The following BCL2 variants were observed in gnomAD, a reference collection of about 807,000 sequenced individuals.
The protein encoded by BCL2 is BCL2 apoptosis regulator, also known as apoptosis regulator Bcl-2.
A neutral mutation model predicts 14.2 loss-of-function variants in BCL2; 1 was observed. The ratio of observed to expected loss-of-function variants is 0.07; its 90% CI spans 0.02 to 0.33. BCL2 has a LOEUF of 0.33. BCL2 is among the 10% of genes least tolerant of loss of function. The probability of loss-of-function intolerance (pLI) is 0.99; values close to 1 mark genes in which losing one functional copy is unlikely to be tolerated. For synonymous variants in BCL2, 151 were observed against 137.2 expected (o/e 1.10, Z -0.70); for missense variants, 247 against 305.9 (o/e 0.81, Z 1.44).
At chr18:63,205,782 C>T (rs770775557) in intron 2 of BCL2, among the ~76,000 whole-genome samples, 1 of 152,150 alleles carries the variant, frequency 6.6e-6, no homozygotes, top group South Asian at 2.1e-4. Context: ...GCTCCCACCC[C>T]CTGCTTGCAA....
At position 63,207,233 on chromosome 18, in the gene BCL2, C is replaced by T. The variant is rs529620373; in HGVS notation, c.586-78474G>A. ...GAGGGAGCCCAGGATGCCGGCAGAG[C>T]GAGCCTTGGTCTGTGAACCCCAGGG... On this transcript the variant is annotated intron_variant, in intron 2 of 2. Transcript: ENST00000333681. 1.7e-3 allele frequency among the ~76,000 whole-genome samples: 253 copies of T among 152,294 alleles called. 2 individuals carry two copies. The highest frequency in any genetic ancestry group is 9.1e-3 in the South Asian group (44 of 4,820).
chr18:63,151,194 A>G (rs1394028300), intron 2 of BCL2: 1 of 151,882 alleles, frequency 6.6e-6, no homozygotes, highest in East Asian at 1.9e-4. Context: ...CCTTCTCCAC[A>G]CTGACTGCGG....
At chr18:63,223,225 C>T (rs1910451444) in intron 2 of BCL2, among the ~76,000 whole-genome samples, 1 of 151,898 alleles carries the variant, frequency 6.6e-6, no homozygotes, top group African/African-American at 2.4e-5. Context: ...CAGGTGAAAC[C>T]CCGTCTCTAC....
At chr18:63,237,878 A>G (rs931144600) in intron 2 of BCL2, among the ~76,000 whole-genome samples, 1 of 152,214 alleles carries the variant, frequency 6.6e-6, no homozygotes, top group Non-Finnish European at 1.5e-5. Flanking sequence ...AGTTTTTTTT[A>G]AAAGAACCCT....
intron 2 of BCL2, among the ~76,000 whole-genome samples, chr18:63,267,694 G>A (rs540180470): frequency 1.3e-5 from 2 of 152,294 alleles, no homozygotes; most frequent in East Asian, 1.9e-4. Flanking sequence ...ATCCTTGAGA[G>A]GTATCAGCTA....
intron 2 of BCL2, among the ~76,000 whole-genome samples, chr18:63,152,716 C>A (rs1323114588): frequency 2.0e-5 from 3 of 152,230 alleles, no homozygotes; most frequent in African/African-American, 7.2e-5. Flanking sequence ...TCAGTGCCTA[C>A]TAGAGCCTCC....
chr18:63,239,999 G>A (rs1283611647), intron 2 of BCL2, among the ~76,000 whole-genome samples: 6 of 152,028 alleles, frequency 3.9e-5, no homozygotes, highest in African/African-American at 7.2e-5. Context: ...TTTTTTGTTT[G>A]TTTGTTTTAA....
rs145799705 is a variant in BCL2, at chr18:63,241,799, C to G, written c.585+76283G>C. Among the ~76,000 whole-genome samples the G allele has an allele frequency of 2.5e-3, 377 of 152,320 alleles. 2 individuals carry two copies. Among genetic ancestry groups the G allele is most frequent in the African/African-American group, 8.6e-3 (356 of 41,566 alleles). On this transcript the variant is annotated intron_variant, in intron 2 of 2. Transcript: ENST00000333681. ...AAGATGTCCCGGCCTGCCACCCTGG[C>G]CTGATTTGAGAGTGCCTCACCCGTC...
intron 2 of BCL2, among the ~76,000 whole-genome samples, chr18:63,223,564 C>T (rs1212560697): frequency 6.6e-6 from 1 of 152,094 alleles, no homozygotes. Flanking sequence ...TGGGAGATGC[C>T]ACACATCAAA....
At chr18:63,219,671 C>T (rs1262471140) in intron 2 of BCL2, among the ~76,000 whole-genome samples, 1 of 151,920 alleles carries the variant, frequency 6.6e-6, no homozygotes. Context: ...AGTGTGCCTC[C>T]GAATTTAAAA....
intron 2 of BCL2, among the ~76,000 whole-genome samples, chr18:63,185,408 T>A (rs1915571160): frequency 6.6e-6 from 1 of 152,140 alleles, no homozygotes; most frequent in Non-Finnish European, 1.5e-5. Flanking sequence ...CATACAGAGA[T>A]GCTAAAAAAA....
intron 2 of BCL2, among the ~76,000 whole-genome samples, chr18:63,299,961 C>G (rs1168921622): frequency 1.3e-5 from 2 of 151,918 alleles, no homozygotes; most frequent in African/African-American, 4.8e-5. Context: ...AGGAGACTGT[C>G]CCCCCCAAGG....
intron 2 of BCL2, among the ~76,000 whole-genome samples, chr18:63,177,508 C>T (rs1483068113): frequency 6.6e-6 from 1 of 152,188 alleles, no homozygotes; most frequent in Non-Finnish European, 1.5e-5. Context: ...AGCTTTCCAA[C>T]TTCAGCTGAG....
At chr18:63,203,450 T>C (rs1159530079) in intron 2 of BCL2, among the ~76,000 whole-genome samples, 1 of 152,192 alleles carries the variant, frequency 6.6e-6, no homozygotes, top group Non-Finnish European at 1.5e-5. Flanking sequence ...CCTCCTGAGG[T>C]GATATCATAT....
In BCL2 at chr18:63,249,284, T is replaced by C. The variant is rs542391787; in HGVS notation, c.585+68798A>G. On this transcript the variant is annotated intron_variant, in intron 2 of 2. Coordinates refer to ENST00000333681, the MANE Select transcript of BCL2 (RefSeq NM_000633.3). The stretch of plus-strand genomic sequence containing the variant: ...AGTCCAATTGGTTCTTCCTTCACCA[T>C]ATAAGATTGTGATCAGTCCTGTCCA... Among the ~76,000 whole-genome samples the C allele has an allele frequency of 7.2e-5, 11 of 152,180 alleles. No individual in the cohort carries two copies. In the South Asian group the frequency reaches 1.9e-3, roughly 26 times the overall value.
intron 2 of BCL2, among the ~76,000 whole-genome samples, chr18:63,182,486 C>T (rs1915500111): frequency 6.6e-6 from 1 of 152,210 alleles, no homozygotes; most frequent in South Asian, 2.1e-4. Flanking sequence ...AAAATGCGTC[C>T]TTGGCTGGCC....
rs886949892 is a variant in BCL2, at chr18:63,123,965, C to A, written c.*4660G>T. 1 of 221,652 alleles carries A rather than the reference C, an allele frequency of 4.5e-6. No individual in the cohort carries two copies. The highest frequency in any genetic ancestry group is 2.2e-5 in the African/African-American group (1 of 44,710). The allele number at this position is 221,652 out of a possible 1,614,324, so 13.7% of individuals were successfully genotyped here. A position where few individuals can be genotyped will look rare whatever the true frequency, so the allele number is the denominator to read the frequency against. ...TTCCATCCTCCACCAGTGTTCCCAT[C>A]TTCTGTGCTCAGCTTGGTATGCAGA... On this transcript the variant is annotated 3_prime_UTR_variant, in exon 3 of 3. Coordinates refer to ENST00000333681, the MANE Select transcript of BCL2 (RefSeq NM_000633.3).
chr18:63,154,360 G>A (rs1399954162), intron 2 of BCL2, among the ~76,000 whole-genome samples: 1 of 152,154 alleles, frequency 6.6e-6, no homozygotes. Context: ...GCCCCATTCA[G>A]CTTCCCTCTG....
At chr18:63,152,020 G>C (rs1409546301) in intron 2 of BCL2, among the ~76,000 whole-genome samples, 1 of 152,162 alleles carries the variant, frequency 6.6e-6, no homozygotes, top group Non-Finnish European at 1.5e-5. Flanking sequence ...CAGTTTTGGA[G>C]GACAATCAGA....
Sources: allele counts gnomAD v4.1 joint callset (sites outside exome capture counted in the v4.1 genomes callset), GRCh38; gene constraint gnomAD v4.1.1; transcripts MANE v1.5; gene names NCBI Gene and HGNC (gene_info 2026-07-23, HGNC 2026-07-21).